TMEM272: variants seen among roughly 807,000 people sequenced by gnomAD.
TMEM272 encodes long intergenic non-protein coding RNA 282.
Under a neutral mutation model 3.7 loss-of-function variants are expected in TMEM272, and 8 were observed. The ratio of observed to expected loss-of-function variants is 2.17; its 90% CI spans 1.27 to 3.91. The LOEUF is 3.91. TMEM272 is among the 30% of genes most tolerant of loss of function. The probability of loss-of-function intolerance (pLI) is 0.00; values close to 1 mark genes in which losing one functional copy is unlikely to be tolerated. For synonymous variants in TMEM272, 63 were observed against 39.8 expected (o/e 1.58, Z -2.20); for missense variants, 166 against 91.5 (o/e 1.81, Z -3.32).
At chr13:51,933,277 C>T in the TMEM272 span, 2 of 152,230 alleles carry the variant, frequency 1.3e-5, no homozygotes, top group Non-Finnish European at 2.9e-5. Flanking sequence ...GCTATGTCAT[C>T]CTGGGCAAAG....
intron 2 of TMEM272, among the ~76,000 whole-genome samples, chr13:51,828,798 G>A (rs144502432): frequency 1.3e-3 from 204 of 152,264 alleles, no homozygotes; most frequent in African/African-American, 3.8e-3. Context: ...CATTTACTCC[G>A]CAAGACTCAG....
At chr13:51,898,316 G>A in the TMEM272 span, among the ~76,000 whole-genome samples, 1 of 151,966 alleles carries the variant, frequency 6.6e-6, no homozygotes, top group Non-Finnish European at 1.5e-5. Flanking sequence ...AGAAACTCCT[G>A]GGGATTTTTC....
At position 51,816,820 on chromosome 13, in the gene TMEM272, G is replaced by A; in HGVS notation, c.495C>T (p.Val165=). 1 of 703,052 alleles carries A rather than the reference G, an allele frequency of 1.4e-6. No individual in the cohort carries two copies. The highest frequency in any genetic ancestry group is 2.6e-6 in the Non-Finnish European group (1 of 385,014). The allele number at this position is 703,052 out of a possible 1,614,324, so 43.6% of individuals were successfully genotyped here. The change falls in exon 5 of 5, where the codon GTC becomes GTT. Residue 165 remains valine, a synonymous_variant. Transcript: ENST00000629372. ...GVLALSHTVL[V]LLLLCSGCVY... is the part of the protein sequence containing the mutation. The stretch of plus-strand genomic sequence containing the variant: ...CACAGCCGCTGCACAGCAGGAGCAA[G>A]ACCAGCACAGTGTGACTGAGCGCCA...
At chr13:51,925,009 C>A in the TMEM272 span, among the ~76,000 whole-genome samples, 1 of 152,154 alleles carries the variant, frequency 6.6e-6, no homozygotes, top group African/African-American at 2.4e-5. Context: ...TGGCAAGGGG[C>A]GAGCCAGCAC....
At chr13:51,860,284 G>A in the TMEM272 span, among the ~76,000 whole-genome samples, 1 of 152,166 alleles carries the variant, frequency 6.6e-6, no homozygotes, top group Non-Finnish European at 1.5e-5. Flanking sequence ...ATTAAACCAA[G>A]ATTTTTAGTC....
At chr13:51,924,082 G>A in the TMEM272 span, among the ~76,000 whole-genome samples, 9 of 152,112 alleles carry the variant, frequency 5.9e-5, no homozygotes, top group African/African-American at 1.2e-4. Flanking sequence ...TGAAAACCAC[G>A]CCTTCCTCAA....
the TMEM272 span, among the ~76,000 whole-genome samples, chr13:51,925,366 C>T: frequency 1.8e-4 from 28 of 152,234 alleles, no homozygotes; most frequent in Non-Finnish European, 3.4e-4. Context: ...AGCAAAAGTA[C>T]TGCCGGTGAG....
chr13:51,917,948 A>G, the TMEM272 span, among the ~76,000 whole-genome samples: 1 of 152,206 alleles, frequency 6.6e-6, no homozygotes, highest in South Asian at 2.1e-4. Context: ...TTATTGAGAG[A>G]TTCATCCCAG....
chr13:51,861,794 G>A, the TMEM272 span, among the ~76,000 whole-genome samples: 1 of 152,140 alleles, frequency 6.6e-6, no homozygotes, highest in Non-Finnish European at 1.5e-5. Context: ...TCAAGACCAA[G>A]ACACATCATA....
At chr13:51,907,225 T>C in the TMEM272 span, among the ~76,000 whole-genome samples, 2 of 152,216 alleles carry the variant, frequency 1.3e-5, no homozygotes. Flanking sequence ...GAGCCCTTCA[T>C]GAGAGGCCAC....
the TMEM272 span, among the ~76,000 whole-genome samples, chr13:51,903,370 CA>C: frequency 6.6e-6 from 1 of 152,102 alleles, no homozygotes; most frequent in East Asian, 1.9e-4. Context: ...TCCAATAAGA[CA>C]CTTCATAACT....
chr13:51,914,615 T>G, the TMEM272 span, among the ~76,000 whole-genome samples: 1 of 152,250 alleles, frequency 6.6e-6, no homozygotes, highest in African/African-American at 2.4e-5. Context: ...TCTGCTACTC[T>G]GGGCAACTCC....
At chr13:51,920,903 G>C in the TMEM272 span, among the ~76,000 whole-genome samples, 1 of 152,210 alleles carries the variant, frequency 6.6e-6, no homozygotes, top group Non-Finnish European at 1.5e-5. Context: ...GTGGCCTTCA[G>C]ATTCTCTGCC....
the TMEM272 span, among the ~76,000 whole-genome samples, chr13:51,855,324 G>C: frequency 6.6e-6 from 1 of 152,166 alleles, no homozygotes; most frequent in Non-Finnish European, 1.5e-5. Flanking sequence ...TTGACTTCTA[G>C]CCTCTCTGCC....
the TMEM272 span, among the ~76,000 whole-genome samples, chr13:51,853,830 A>G: frequency 4.2e-3 from 638 of 152,354 alleles, 4 homozygotes; most frequent in African/African-American, 0.015. Flanking sequence ...GATAGGAAAT[A>G]TATTAGAAGA....
chr13:51,918,590 T>C, the TMEM272 span, among the ~76,000 whole-genome samples: 6 of 152,184 alleles, frequency 3.9e-5, no homozygotes, highest in East Asian at 9.6e-4. Context: ...TACAAAGCAA[T>C]TGACATTTTC....
the TMEM272 span, among the ~76,000 whole-genome samples, chr13:51,871,621 G>GTTGCA: frequency 6.6e-6 from 1 of 152,104 alleles, no homozygotes; most frequent in East Asian, 1.9e-4. Context: ...GAGCCAGATG[G>GTTGCA]TTGCAGCTGT....
the TMEM272 span, among the ~76,000 whole-genome samples, chr13:51,917,323 G>T: frequency 6.6e-6 from 1 of 152,208 alleles, no homozygotes; most frequent in Non-Finnish European, 1.5e-5. Flanking sequence ...AAGACTGGGG[G>T]TAGCTGGGGA....
At chr13:51,880,275 CAAAA>C in the TMEM272 span, among the ~76,000 whole-genome samples, 117,858 of 129,346 alleles carry the variant, frequency 0.91, 53,728 homozygotes, top group East Asian at 0.96. Context: ...TTCCTTTCAC[CAAAA>C]AAAAAAAAAA....
Sources: allele counts gnomAD v4.1 joint callset (sites outside exome capture counted in the v4.1 genomes callset), GRCh38; gene constraint gnomAD v4.1.1; transcripts MANE v1.5; gene names NCBI Gene and HGNC (gene_info 2026-07-23, HGNC 2026-07-21).